The following FRMD5 variants were observed in gnomAD, a reference collection of about 807,000 sequenced individuals.
FRMD5 encodes FERM domain-containing protein 5.
Under a neutral mutation model 69.0 loss-of-function variants are expected in FRMD5, and 20 were observed. The observed-to-expected ratio is 0.29, with a 90% CI of 0.20 to 0.42. FRMD5 has a LOEUF of 0.42. Ranked by LOEUF, FRMD5 falls within the 10% of genes least tolerant of loss-of-function variation. FRMD5 has a pLI of 1.00. For synonymous variants in FRMD5, 271 were observed against 260.1 expected, an observed-to-expected ratio of 1.04 and a Z score of -0.40; for missense variants, 595 against 708.6, an observed-to-expected ratio of 0.84 and a Z score of 1.82.
Position 43,873,242 on chromosome 15 carries a change from CAAAAG to C in FRMD5, c.*638_*642del, listed in dbSNP as rs1278513732. On this transcript the variant is annotated 3_prime_UTR_variant, in exon 14 of 14. Transcript: ENST00000417257. ...CCCACTCTGCTCAGATTTGAAAAAACAAAAGGAAAAGAAAATCCAACTCAGACCAT... is the reference window on the plus strand; with the variant it reads ...CCCACTCTGCTCAGATTTGAAAAAACGAAAAGAAAATCCAACTCAGACCAT... 10 of 1,549,112 alleles carry C rather than the reference CAAAAG, an allele frequency of 6.5e-6. No individual in the cohort carries two copies. Among genetic ancestry groups the C allele is most frequent in the Non-Finnish European group, 8.7e-6 (10 of 1,146,638 alleles).
At chr15:43,879,321 C>T (rs182973812) in intron 13 of FRMD5, among the ~76,000 whole-genome samples, 1 of 152,152 alleles carries the variant, frequency 6.6e-6, no homozygotes, top group Non-Finnish European at 1.5e-5. Flanking sequence ...GAAGATCTCA[C>T]CTGTAAGGTG....
chr15:43,878,691 C>A (rs2088434245), intron 13 of FRMD5, among the ~76,000 whole-genome samples: 1 of 152,186 alleles, frequency 6.6e-6, no homozygotes, highest in African/African-American at 2.4e-5. Flanking sequence ...GCGCCTGCCA[C>A]CCTTTCAAAG....
rs765767175 is a variant in FRMD5, at chr15:43,874,127, C to T, written c.1471G>A (p.Glu491Lys). The T allele has an allele frequency of 1.2e-6, 2 of 1,614,234 alleles. No individual in the cohort carries two copies. The highest frequency in any genetic ancestry group is 1.1e-5 in the South Asian group (1 of 91,088). ...AGAACAAACTTATTCACCTGTTCCTCCTCGGGCCCGCTGTGCCCCTGACAC... is the reference window on the plus strand; with the variant it reads ...AGAACAAACTTATTCACCTGTTCCTTCTCGGGCCCGCTGTGCCCCTGACAC... ...ALCQGHSGPE[E>K]EQVNKFVLSV... The change falls in exon 14 of 14, where the codon GAG (glutamate) becomes AAG (lysine). Residue 491 changes from glutamate (E) to lysine (K), a missense_variant. By Grantham distance (56) the Glu-to-Lys change is moderately conservative. Around this residue, in one of 5 missense-constraint regions of FRMD5, gnomAD observed 245 missense variants for 227.1 expected, o/e 1.08. Coordinates refer to ENST00000417257, the MANE Select transcript of FRMD5 (RefSeq NM_032892.5).
chr15:43,973,540 G>T (rs1046460869), intron 1 of FRMD5, among the ~76,000 whole-genome samples: 1 of 151,378 alleles, frequency 6.6e-6, no homozygotes, highest in African/African-American at 2.4e-5. Flanking sequence ...GCTAGTTTTT[G>T]TATTTTTAGC....
At chr15:44,160,500 C>T (rs1437502849) in intron 1 of FRMD5, among the ~76,000 whole-genome samples, 6 of 152,200 alleles carry the variant, frequency 3.9e-5, no homozygotes, top group South Asian at 2.1e-4. Context: ...AAGCCTACAG[C>T]TTACCAGTTT....
At position 43,873,856 on chromosome 15, in the gene FRMD5, G is replaced by A; in HGVS notation, c.*29C>T. 1 of 1,608,880 alleles carries A rather than the reference G, an allele frequency of 6.2e-7. No homozygotes were observed. The stretch of plus-strand genomic sequence containing the variant: ...GGTAGCCGGGTTCCTTGGTCCACCT[G>A]GCTAGTTTTTGGGAGGAGTCATGCC... On this transcript the variant is annotated 3_prime_UTR_variant, in exon 14 of 14. Transcript: ENST00000417257.
chr15:43,929,068 ATT>A (rs1044129501), intron 1 of FRMD5, among the ~76,000 whole-genome samples: 5 of 152,172 alleles, frequency 3.3e-5, no homozygotes, highest in African/African-American at 1.2e-4. Flanking sequence ...CAACCCATTT[ATT>A]CTCTCTATAT....
intron 13 of FRMD5, among the ~76,000 whole-genome samples, chr15:43,878,078 C>T (rs1415566073): frequency 6.6e-6 from 1 of 152,194 alleles, no homozygotes; most frequent in Non-Finnish European, 1.5e-5. Context: ...TCACGGCTCA[C>T]TGCAGCCTCG....
chr15:44,076,696 T>C (rs1348900224), intron 1 of FRMD5, among the ~76,000 whole-genome samples: 1 of 148,950 alleles, frequency 6.7e-6, no homozygotes, highest in Non-Finnish European at 1.5e-5. Context: ...GTGGGTGCAG[T>C]GCACCAGCAT....
intron 1 of FRMD5, among the ~76,000 whole-genome samples, chr15:44,050,515 C>G (rs1892613475): frequency 6.9e-6 from 1 of 144,792 alleles, no homozygotes; most frequent in Non-Finnish European, 1.5e-5. Context: ...CACATGCCAC[C>G]ATGCCTGGCT....
chr15:44,162,582 T>C (rs535244077), intron 1 of FRMD5, among the ~76,000 whole-genome samples: 223 of 152,108 alleles, frequency 1.5e-3, no homozygotes, highest in African/African-American at 5.2e-3. Context: ...AAAACTCCCA[T>C]GTCGGCCGGG....
chr15:44,144,770 T>C (rs2140454971), intron 1 of FRMD5, among the ~76,000 whole-genome samples: 1 of 152,334 alleles, frequency 6.6e-6, no homozygotes, highest in South Asian at 2.1e-4. Flanking sequence ...ACAAAATTCT[T>C]CCAGAAGGGG....
At chr15:44,018,302 A>T (rs1891061195) in intron 1 of FRMD5, among the ~76,000 whole-genome samples, 1 of 152,214 alleles carries the variant, frequency 6.6e-6, no homozygotes, top group South Asian at 2.1e-4. Context: ...GTTAAGCAGT[A>T]TACACCAATC....
At chr15:44,157,967 A>G (rs2140490891) in intron 1 of FRMD5, among the ~76,000 whole-genome samples, 1 of 152,278 alleles carries the variant, frequency 6.6e-6, no homozygotes, top group South Asian at 2.1e-4. Flanking sequence ...GCTGCCACAA[A>G]TATGTTTGTT....
intron 13 of FRMD5, among the ~76,000 whole-genome samples, chr15:43,877,771 T>C (rs568651712): frequency 6.4e-4 from 97 of 152,346 alleles, no homozygotes; most frequent in African/African-American, 2.3e-3. Flanking sequence ...ATTTTATCTT[T>C]CAGTAACTCC....
In FRMD5 at chr15:44,044,361, G is replaced by A. The variant is rs562618803; in HGVS notation, c.103-120052C>T. ...GTTCAACCATTGTGGAAGACAGTGT[G>A]GCGACTCCTCTAGTATCTAGAACTA... is the stretch of plus-strand genomic sequence containing the variant. On this transcript the variant is annotated intron_variant, in intron 1 of 13. Coordinates refer to ENST00000417257, the MANE Select transcript of FRMD5 (RefSeq NM_032892.5). Among the ~76,000 whole-genome samples the A allele has an allele frequency of 3.3e-5, 5 of 152,294 alleles. No homozygotes were observed. The East Asian group carries it at 9.7e-4, about 29-fold the overall frequency.
At chr15:43,963,947 C>T (rs958811624) in intron 1 of FRMD5, among the ~76,000 whole-genome samples, 2 of 151,956 alleles carry the variant, frequency 1.3e-5, no homozygotes, top group Admixed American at 6.6e-5. Flanking sequence ...AGGTGATATA[C>T]CTAATGCTAA....
chr15:44,032,634 A>C (rs556107268), intron 1 of FRMD5, among the ~76,000 whole-genome samples: 1 of 152,224 alleles, frequency 6.6e-6, no homozygotes, highest in Non-Finnish European at 1.5e-5. Flanking sequence ...GAGAAATGCA[A>C]ATCAGAACCA....
Position 43,966,069 on chromosome 15 carries a change from G to C in FRMD5, c.103-41760C>G, listed in dbSNP as rs571685700. On this transcript the variant is annotated intron_variant, in intron 1 of 13. Transcript: ENST00000417257. ...GGAAGATATAAAAGTCACAATTCTT[G>C]CCTTTTAAGAGTTTATCATCTGGGC... Among the ~76,000 whole-genome samples, 252 of 152,100 alleles carry C rather than the reference G, an allele frequency of 1.7e-3. 1 individual carries two copies. The highest frequency in any genetic ancestry group is 5.8e-3 in the African/African-American group (241 of 41,514).
Sources: gnomAD v4.1 joint callset for allele counts (sites outside exome capture counted in the v4.1 genomes callset) on GRCh38, gnomAD v4.1.1 for gene constraint, gnomAD v4.1.1 regional missense constraint, MANE v1.5 for transcripts, NCBI Gene and HGNC (gene_info 2026-07-23, HGNC 2026-07-21) for gene names.